Variants in MEGF10 observed in about 807,000 individuals in gnomAD.
The protein encoded by MEGF10 is multiple EGF like domains 10, also known as multiple epidermal growth factor-like domains protein 10.
Under a neutral mutation model 147.5 loss-of-function variants are expected in MEGF10, and 86 were observed. The ratio of observed to expected loss-of-function variants is 0.58; its 90% confidence interval spans 0.49 to 0.70. The LOEUF (loss-of-function observed/expected upper bound fraction) is 0.70. Ranked by LOEUF, MEGF10 falls within the 30% of genes least tolerant of loss-of-function variation. The pLI is 0.00. For synonymous variants in MEGF10, 478 were observed against 525.5 expected, an observed-to-expected ratio of 0.91 and a Z score of 1.24; for missense variants, 1,329 against 1,487.3, an observed-to-expected ratio of 0.89 and a Z score of 1.75.
intron 13 of MEGF10, among the ~76,000 whole-genome samples, chr5:127,426,013 T>G (rs1204307498): frequency 6.6e-6 from 1 of 152,206 alleles, no homozygotes; most frequent in Non-Finnish European, 1.5e-5. Context: ...CAAGATGGCC[T>G]TAAGTGCTCC....
At chr5:127,327,992 C>T (rs1396735341) in intron 1 of MEGF10, among the ~76,000 whole-genome samples, 1 of 152,138 alleles carries the variant, frequency 6.6e-6, no homozygotes, top group Non-Finnish European at 1.5e-5. Context: ...GCTGGGATTA[C>T]AGGAGTGAGC....
intron 13 of MEGF10, among the ~76,000 whole-genome samples, chr5:127,428,884 G>T (rs57144581): frequency 2.0e-5 from 3 of 152,172 alleles, no homozygotes; most frequent in African/African-American, 7.2e-5. Context: ...CATTGAGGCC[G>T]CTGGCATAAT....
In MEGF10 at chr5:127,332,020, C is replaced by T. The variant is rs73344952; in HGVS notation, c.116+596C>T. Among the ~76,000 whole-genome samples the T allele has an allele frequency of 1.1e-3, 172 of 151,952 alleles. 2 individuals are homozygous for T. The highest frequency in any genetic ancestry group is 3.8e-3 in the African/African-American group (159 of 41,410). On this transcript the variant is annotated intron_variant, in intron 2 of 24. Coordinates refer to ENST00000503335, the MANE Select transcript of MEGF10 (RefSeq NM_001256545.2). Reference sequence around the variant, plus strand: ...TTGAAATCAGTGCCATGTGGACCACCGAGAACTGTGCACAACCAGAGCAGA... The same window carrying T: ...TTGAAATCAGTGCCATGTGGACCACTGAGAACTGTGCACAACCAGAGCAGA...
At chr5:127,307,234 T>C (rs1157828227) in intron 1 of MEGF10, among the ~76,000 whole-genome samples, 1 of 152,158 alleles carries the variant, frequency 6.6e-6, no homozygotes, top group Admixed American at 6.5e-5. Flanking sequence ...CTGAAAAAAC[T>C]CTTCTGTGCC....
chr5:127,331,526 G>A (rs563588018), intron 2 of MEGF10, 102 bp downstream of exon 2: 8 of 690,690 alleles, frequency 1.2e-5, no homozygotes, highest in African/African-American at 1.1e-4. Context: ...TGAAGAGATT[G>A]TGAAATTACT....
intron 1 of MEGF10, among the ~76,000 whole-genome samples, chr5:127,325,798 C>A (rs1760990099): frequency 6.8e-6 from 1 of 146,276 alleles, no homozygotes; most frequent in Non-Finnish European, 1.5e-5. Context: ...GTTTATAAAA[C>A]CATTTTAAGT....
the MEGF10 span, among the ~76,000 whole-genome samples, chr5:127,237,730 A>C: frequency 6.2e-4 from 94 of 152,152 alleles, no homozygotes; most frequent in African/African-American, 2.2e-3. Context: ...AGTAATTTTA[A>C]GTCCTGGGCA....
chr5:127,343,716 T>C (rs912473151), intron 4 of MEGF10, among the ~76,000 whole-genome samples: 12 of 151,854 alleles, frequency 7.9e-5, no homozygotes, highest in Admixed American at 6.6e-4. Flanking sequence ...TTTGGGAGGC[T>C]AAGGTGGGAG....
intron 1 of MEGF10, among the ~76,000 whole-genome samples, chr5:127,308,523 C>T (rs1422193133): frequency 1.3e-5 from 2 of 152,140 alleles, no homozygotes; most frequent in East Asian, 1.9e-4. Context: ...CCATGGAATA[C>T]TATGCAGCCA....
chr5:127,242,939 G>A, the MEGF10 span, among the ~76,000 whole-genome samples: 1 of 151,980 alleles, frequency 6.6e-6, no homozygotes, highest in Non-Finnish European at 1.5e-5. Flanking sequence ...GCCTGACTTC[G>A]CCCTATCACA....
rs186370711 is a variant in MEGF10 at position 127,434,887 on chromosome 5, G to A, written c.1975+66G>A. ...CACGCCCCGGAGAGTCTGTCCTCAG[G>A]CCTCCCCTTGGCCTTCCTGAAGGCC... On this transcript the variant is annotated intron_variant, in intron 15 of 24. Coordinates refer to ENST00000503335, the MANE Select transcript of MEGF10 (RefSeq NM_001256545.2). The A allele has an allele frequency of 3.0e-4, 468 of 1,546,596 alleles. 6 individuals carry two copies. The South Asian group carries it at 5.0e-3, about 16-fold the overall frequency.
chr5:127,260,920 T>C, the MEGF10 span, among the ~76,000 whole-genome samples: 1 of 152,144 alleles, frequency 6.6e-6, no homozygotes, highest in Admixed American at 6.5e-5. Flanking sequence ...CTATTCTCAT[T>C]TGTTCCTGTA....
chr5:127,419,849 G>A (rs1286179256), intron 11 of MEGF10, among the ~76,000 whole-genome samples, 195 bp from the exon 12 acceptor site: 2 of 152,166 alleles, frequency 1.3e-5, no homozygotes, highest in Non-Finnish European at 2.9e-5. Context: ...AACACACATG[G>A]CTGTTTGGGT....
chr5:127,355,849 A>T (rs897041410), intron 4 of MEGF10, among the ~76,000 whole-genome samples: 1 of 147,838 alleles, frequency 6.8e-6, no homozygotes, highest in Non-Finnish European at 1.5e-5. Context: ...TCTGCTGCCT[A>T]TTTTTTTTTT....
At chr5:127,325,060 G>A (rs976678976) in intron 1 of MEGF10, among the ~76,000 whole-genome samples, 1 of 152,138 alleles carries the variant, frequency 6.6e-6, no homozygotes, top group Admixed American at 6.6e-5. Flanking sequence ...TTCCCTGCAT[G>A]GGGATAATAG....
rs1327012651 is a variant in MEGF10, at chr5:127,396,596, G to T, written c.477G>T (p.Leu159=). 1 of 1,611,522 alleles carries T rather than the reference G, an allele frequency of 6.2e-7. No homozygotes were observed. Among genetic ancestry groups the T allele is most frequent in the Non-Finnish European group, 8.5e-7 (1 of 1,178,476 alleles). Residue 159 remains leucine, a synonymous_variant, in exon 6 of 25, where the codon CTG becomes CTT. Transcript: ENST00000503335. ...GGTGCCAGTGCAAAAATGGGGCTCTGTGCAACCCCATCACCGGGGCTTGCC... is the reference window on the plus strand; with the variant it reads ...GGTGCCAGTGCAAAAATGGGGCTCTTTGCAACCCCATCACCGGGGCTTGCC... ...TSRCQCKNGA[L]CNPITGACHC...
rs1766446458 is a variant in MEGF10, at chr5:127,458,498, T to A, written c.*1180T>A. ...TGTTTTGTAGTGTTTGGATTGTTAA[T>A]GAAAAAATATTATATGTTCGTTATT... On this transcript the variant is annotated 3_prime_UTR_variant, in exon 25 of 25. Transcript: ENST00000503335. The A allele has an allele frequency of 6.6e-6, 1 of 152,232 alleles. No homozygotes were observed. Among genetic ancestry groups the A allele is most frequent in the Admixed American group, 6.5e-5 (1 of 15,284 alleles). The allele number at this position is 152,232 out of a possible 1,614,324, so 9.4% of individuals were successfully genotyped here.
At chr5:127,326,691 T>C (rs1316614478) in intron 1 of MEGF10, among the ~76,000 whole-genome samples, 1 of 152,172 alleles carries the variant, frequency 6.6e-6, no homozygotes, top group African/African-American at 2.4e-5. Context: ...GATAACACGA[T>C]GGAGTGGTCA....
intron 16 of MEGF10, 33 bp from the exon 17 acceptor site, chr5:127,438,406 C>T (rs375470812): frequency 4.6e-5 from 74 of 1,609,758 alleles, no homozygotes; most frequent in Non-Finnish European, 5.9e-5. Context: ...GGCCTCAGAA[C>T]TCTGATGGAC....
Sources: gnomAD v4.1 joint callset for allele counts (sites outside exome capture counted in the v4.1 genomes callset) on GRCh38, gnomAD v4.1.1 for gene constraint, MANE v1.5 for transcripts, NCBI Gene and HGNC (gene_info 2026-07-23, HGNC 2026-07-21) for gene names.